Variants in POU3F3 observed in about 807,000 individuals in gnomAD.
The protein encoded by POU3F3 is POU domain, class 3, transcription factor 3.
Under a neutral mutation model 8.6 loss-of-function variants are expected in POU3F3, and 1 was observed. That is an observed-to-expected ratio of 0.12 (90% CI 0.04 to 0.55). The LOEUF (loss-of-function observed/expected upper bound fraction) is 0.55, where lower values mean the gene tolerates loss of function less well. Among genes scored for constraint, POU3F3 ranks in the 20% least tolerant of loss-of-function variants. POU3F3 has a pLI of 0.91. For synonymous variants in POU3F3, 418 were observed against 327.4 expected (o/e 1.28, Z -2.99); for missense variants, 577 against 690.7 (o/e 0.84, Z 1.84).
At position 104,856,038 on chromosome 2, in the gene POU3F3, G is replaced by A. The variant is rs1407767036; in HGVS notation, c.528G>A (p.Pro176=). ...GGCCGCCGCACCTCGGACCCCCGCC[G>A]CCGCCCCCACACCAGGGCCACCCTG... is the stretch of plus-strand genomic sequence containing the variant. ...HRGPPHLGPP[P]PPPHQGHPGG... is the part of the protein sequence containing the mutation. Residue 176 remains proline (P), a synonymous_variant, in exon 1 of 1, where the codon CCG becomes CCA. Coordinates refer to ENST00000361360, the MANE Select transcript of POU3F3 (RefSeq NM_006236.3). 3.1e-6 allele frequency: 3 copies of A among 983,114 alleles called. No individual in the cohort carries two copies. The highest frequency in any genetic ancestry group is 1.8e-5 in the African/African-American group (1 of 54,840). The allele number at this position is 983,114 out of a possible 1,614,324, so 60.9% of individuals were successfully genotyped here. A position where few individuals can be genotyped will look rare whatever the true frequency, so the allele number is the denominator to read the frequency against.
At chr2:104,882,947 CA>C in the POU3F3 span, among the ~76,000 whole-genome samples, 1 of 152,090 alleles carries the variant, frequency 6.6e-6, no homozygotes, top group Admixed American at 6.6e-5. Context: ...GTGAAAATGA[CA>C]GGTGGTAGTA....
At chr2:104,907,932 T>A in the POU3F3 span, among the ~76,000 whole-genome samples, 1 of 151,872 alleles carries the variant, frequency 6.6e-6, no homozygotes, top group African/African-American at 2.4e-5. Context: ...TGTGTGAGAG[T>A]GTGTGTGTAT....
chr2:104,859,824 G>A (rs1334718036), downstream of POU3F3, among the ~76,000 whole-genome samples: 5 of 152,056 alleles, frequency 3.3e-5, no homozygotes, highest in African/African-American at 4.8e-5. Context: ...ACTTTTCTTT[G>A]CCTTCTTGTT....
At chr2:104,871,106 C>T in the POU3F3 span, among the ~76,000 whole-genome samples, 10 of 152,320 alleles carry the variant, frequency 6.6e-5, no homozygotes, top group African/African-American at 1.7e-4. Context: ...TCCTTAAAAT[C>T]GTCTAGGGTC....
chr2:104,889,763 T>G, the POU3F3 span, among the ~76,000 whole-genome samples: 1 of 152,260 alleles, frequency 6.6e-6, no homozygotes, highest in South Asian at 2.1e-4. Flanking sequence ...ACATGGCAAG[T>G]GCCAGGCAAA....
the POU3F3 span, among the ~76,000 whole-genome samples, chr2:104,883,315 G>A: frequency 1.3e-5 from 2 of 152,196 alleles, no homozygotes; most frequent in Non-Finnish European, 2.9e-5. Context: ...TTGACCTTGG[G>A]GCTCCATGAA....
At chr2:104,892,675 ATG>A in the POU3F3 span, among the ~76,000 whole-genome samples, 66 of 150,994 alleles carry the variant, frequency 4.4e-4, no homozygotes, top group African/African-American at 1.2e-3. Context: ...ATATACACAT[ATG>A]TGTGTGTGTG....
At chr2:104,868,504 A>C in the POU3F3 span, 1 of 377,688 alleles carries the variant, frequency 2.6e-6, no homozygotes. Context: ...ATCGCTGCAG[A>C]CCTCCAACTT....
At position 104,856,778 on chromosome 2, in the gene POU3F3, G is replaced by C. The variant is rs746982147; in HGVS notation, c.1268G>C (p.Ser423Thr). ...GTGAGCGTCAAGGGCGCGCTGGAGAGCCACTTCCTCAAGTGCCCCAAGCCC... is the reference window on the plus strand; with the variant it reads ...GTGAGCGTCAAGGGCGCGCTGGAGACCCACTTCCTCAAGTGCCCCAAGCCC... The part of the protein sequence containing the change: ...IEVSVKGALE[S>T]HFLKCPKPSA... The change falls in exon 1 of 1, where the codon AGC becomes ACC. Residue 423 changes from serine to threonine, a missense_variant. By Grantham distance (58) the Ser-to-Thr change is moderately conservative (BLOSUM62 1). Transcript: ENST00000361360. 2.5e-6 allele frequency: 4 copies of C among 1,614,094 alleles called. No homozygotes were observed. In the Admixed American group the frequency reaches 6.7e-5, roughly 27 times the overall value.
the POU3F3 span, among the ~76,000 whole-genome samples, chr2:104,894,887 G>T: frequency 1.3e-5 from 2 of 152,154 alleles, no homozygotes; most frequent in Non-Finnish European, 2.9e-5. Flanking sequence ...AGGTCCTAGG[G>T]CTGCCTTATC....
the POU3F3 span, among the ~76,000 whole-genome samples, chr2:104,909,621 G>T: frequency 2.6e-5 from 4 of 152,234 alleles, no homozygotes; most frequent in Non-Finnish European, 2.9e-5. Context: ...ACTGGCTGCG[G>T]GCTGGGCCAG....
chr2:104,886,679 A>T, the POU3F3 span, among the ~76,000 whole-genome samples: 1 of 152,154 alleles, frequency 6.6e-6, no homozygotes, highest in African/African-American at 2.4e-5. Flanking sequence ...AGGCTGAGGT[A>T]GGTGGATCAC....
At chr2:104,882,302 A>G in the POU3F3 span, among the ~76,000 whole-genome samples, 58 of 142,870 alleles carry the variant, frequency 4.1e-4, no homozygotes, top group African/African-American at 1.5e-3. Flanking sequence ...GCTGGAGTGC[A>G]GTGGTGTGAT....
At chr2:104,904,317 A>C in the POU3F3 span, among the ~76,000 whole-genome samples, 4 of 152,282 alleles carry the variant, frequency 2.6e-5, no homozygotes, top group African/African-American at 9.6e-5. Flanking sequence ...GTTCATCTGA[A>C]CCTATTACAG....
chr2:104,923,830 G>A, the POU3F3 span, among the ~76,000 whole-genome samples: 1 of 152,144 alleles, frequency 6.6e-6, no homozygotes, highest in Non-Finnish European at 1.5e-5. Context: ...GTGAAAGGAC[G>A]AGAAGATATT....
the POU3F3 span, among the ~76,000 whole-genome samples, chr2:104,898,944 C>T: frequency 6.6e-6 from 1 of 152,020 alleles, no homozygotes; most frequent in South Asian, 2.1e-4. Context: ...ACAGCAGAAC[C>T]AGAAGATAAA....
At chr2:104,889,826 C>CA in the POU3F3 span, among the ~76,000 whole-genome samples, 2 of 152,194 alleles carry the variant, frequency 1.3e-5, no homozygotes, top group Non-Finnish European at 2.9e-5. Flanking sequence ...TAAAGTCTGG[C>CA]ATGAGGAAGA....
the POU3F3 span, chr2:104,868,137 C>T: frequency 4.4e-5 from 17 of 390,032 alleles, no homozygotes; most frequent in Non-Finnish European, 6.5e-5. Context: ...CGGATGACCT[C>T]CAACTTCACC....
At chr2:104,917,534 T>C in the POU3F3 span, among the ~76,000 whole-genome samples, 4 of 151,362 alleles carry the variant, frequency 2.6e-5, no homozygotes, top group Non-Finnish European at 5.9e-5. Context: ...GATGTTTGAA[T>C]GAAATTTGGG....
Sources: allele counts gnomAD v4.1 joint callset (sites outside exome capture counted in the v4.1 genomes callset), GRCh38; gene constraint gnomAD v4.1.1; transcripts MANE v1.5; gene names NCBI Gene and HGNC (gene_info 2026-07-23, HGNC 2026-07-21).